Variants in BEST4 observed in about 807,000 individuals in gnomAD.
The protein encoded by BEST4 is bestrophin-4.
In BEST4, 36 loss-of-function variants were observed where a neutral mutation model predicts 47.1. That is an observed-to-expected ratio of 0.76 (90% confidence interval 0.59 to 1.01). BEST4 has a LOEUF of 1.01. BEST4 is among the 50% of genes least tolerant of loss of function. BEST4 has a pLI of 0.00. For synonymous variants in BEST4, 250 were observed against 277.8 expected (o/e 0.90, Z 1.00); for missense variants, 550 against 648.6 (o/e 0.85, Z 1.65).
chr1:44,785,525 C>T, intron 5 of BEST4, 74 bp downstream of exon 5: 1 of 1,411,152 alleles, frequency 7.1e-7, no homozygotes, highest in South Asian at 1.3e-5. Flanking sequence ...AGTACCATCG[C>T]TAATTCTTCT....
At chr1:44,790,036 CA>C (rs376587702), upstream of BEST4, among the ~76,000 whole-genome samples, 112 of 152,326 alleles carry the variant, frequency 7.4e-4, no homozygotes, top group African/African-American at 2.6e-3. Context: ...AAATCAGAAT[CA>C]AGAACGCCTA....
Position 44,785,124 on chromosome 1 carries a change from T to C in BEST4, c.896A>G (p.Tyr299Cys), listed in dbSNP as rs781319855. 2 of 1,613,782 alleles carry C rather than the reference T, an allele frequency of 1.2e-6. No homozygotes were observed. The highest frequency in any genetic ancestry group is 4.5e-5 in the East Asian group (2 of 44,882). Residue 299 changes from tyrosine to cysteine, a missense_variant, in exon 6 of 9, where the codon TAT (tyrosine) becomes TGT (cysteine). Around this residue, in one of 3 missense-constraint regions of BEST4, gnomAD observed 255 missense variants for 286.6 expected, o/e 0.89. Coordinates refer to ENST00000372207, the MANE Select transcript of BEST4 (RefSeq NM_153274.3). Reference protein sequence around the residue: ...PLTTLLQFFFYAGWLKVAEQI... With the variant: ...PLTTLLQFFFCAGWLKVAEQI... ...AGTGCCCACCTTGAGCCAGCCAGCA[T>C]AGAAGAAGAACTGCAGCAGAGTGGT...
At position 44,787,681 on chromosome 1, in the gene BEST4, C is replaced by G; in HGVS notation, c.25G>C (p.Val9Leu). The G allele has an allele frequency of 1.2e-6, 2 of 1,614,172 alleles. No individual in the cohort carries two copies. Among genetic ancestry groups the G allele is most frequent in the Non-Finnish European group, 1.7e-6 (2 of 1,180,036 alleles). The change falls in exon 1 of 9, where the codon GTG (valine) becomes CTG (leucine). Residue 9 changes from valine to leucine, a missense_variant. Val to Leu is a conservative substitution (Grantham distance 32, BLOSUM62 1). Around this residue, in one of 3 missense-constraint regions of BEST4, gnomAD observed 291 missense variants for 342.4 expected, o/e 0.85. Coordinates refer to ENST00000372207, the MANE Select transcript of BEST4 (RefSeq NM_153274.3). Reference protein sequence around the residue: MTVSYTLKVAEARFGGFSG... With the variant: MTVSYTLKLAEARFGGFSG... ...AAACCTCCGAAGCGGGCCTCCGCCA[C>G]TTTGAGAGTGTATGAAACCGTCATG...
At chr1:44,782,419 G>A (rs1346368318), downstream of BEST4, among the ~76,000 whole-genome samples, 1 of 151,980 alleles carries the variant, frequency 6.6e-6, no homozygotes, top group Non-Finnish European at 1.5e-5. Context: ...CCTGAGGTAA[G>A]GAGTTAAAGA....
Position 44,787,830 on chromosome 1 carries a change from AG to A in BEST4, c.-126del. 1 of 1,161,074 alleles carries A rather than the reference AG, an allele frequency of 8.6e-7. No homozygotes were observed. Among genetic ancestry groups the A allele is most frequent in the South Asian group, 1.5e-5 (1 of 68,684 alleles). The allele number at this position is 1,161,074 out of a possible 1,614,324, so 71.9% of individuals were successfully genotyped here. A position where few individuals can be genotyped will look rare whatever the true frequency, so the allele number is the denominator to read the frequency against. ...AGCCTTCACCCTGCGTCAGTGGACA[AG>A]GGGGTAGGAGCCTGCAGAGCAGAAA... On this transcript the variant is annotated 5_prime_UTR_variant, in exon 1 of 9. An upstream open reading frame in the 5' UTR loses its in-frame stop. Coordinates refer to ENST00000372207, the MANE Select transcript of BEST4 (RefSeq NM_153274.3).
rs752156512 is a variant in BEST4 at position 44,786,263 on chromosome 1, C to T, written c.482-35G>A. ...TAAAGCAGGTGGGGTGCAGTTGCAC[C>T]CTCTGCCGCCAGGGGAGGCTGCTGT... is the stretch of plus-strand genomic sequence containing the variant. On this transcript the variant is annotated intron_variant, in intron 3 of 8. Transcript: ENST00000372207. This position sits in a 1 kb window ranked among gnomAD's most constrained non-coding sequence, Gnocchi z 4.9. The T allele has an allele frequency of 6.4e-7, 1 of 1,571,012 alleles. No individual in the cohort carries two copies. Among genetic ancestry groups the T allele is most frequent in the Non-Finnish European group, 8.6e-7 (1 of 1,157,662 alleles).
upstream of BEST4, among the ~76,000 whole-genome samples, chr1:44,788,180 T>A (rs1054261432): frequency 6.6e-6 from 1 of 152,206 alleles, no homozygotes; most frequent in Non-Finnish European, 1.5e-5. Context: ...TGGGCTAGAC[T>A]TCAACCCCCA....
chr1:44,782,633 T>C (rs202045738), downstream of BEST4, among the ~76,000 whole-genome samples: 1 of 43,398 alleles, frequency 2.3e-5, no homozygotes, highest in Non-Finnish European at 4.0e-5. Context: ...CCGTCTCAAA[T>C]AAATAAATAA....
chr1:44,786,995 A>G lies in BEST4; in HGVS notation c.248-299T>C, dbSNP rs1490603873. Reference sequence around the variant, plus strand: ...GTGCCCAGGGTGGGCTTGTGAGGCCAGCAGGTGTCTTGTGCCTTGCTGGAA... The same window carrying G: ...GTGCCCAGGGTGGGCTTGTGAGGCCGGCAGGTGTCTTGTGCCTTGCTGGAA... On this transcript the variant is annotated intron_variant, in intron 2 of 8. Coordinates refer to ENST00000372207, the MANE Select transcript of BEST4 (RefSeq NM_153274.3). This position sits in a 1 kb window ranked among gnomAD's most constrained non-coding sequence, Gnocchi z 4.9. Among the ~76,000 whole-genome samples, 2 of 152,162 alleles carry G rather than the reference A, an allele frequency of 1.3e-5. No individual in the cohort carries two copies. The highest frequency in any genetic ancestry group is 1.3e-4 in the Admixed American group (2 of 15,278).
chr1:44,782,239 A>C (rs1365090281), downstream of BEST4, among the ~76,000 whole-genome samples: 1 of 152,086 alleles, frequency 6.6e-6, no homozygotes, highest in African/African-American at 2.4e-5. Context: ...GCTGCAGAAA[A>C]AAAAAAAAAA....
At position 44,784,502 on chromosome 1, in the gene BEST4, G is replaced by GCCCC; in HGVS notation, c.1149-20_1149-19insGGGG. 2.5e-6 allele frequency: 1 copy of GCCCC among 399,786 alleles called. No individual in the cohort carries two copies. The highest frequency in any genetic ancestry group is 4.8e-6 in the Non-Finnish European group (1 of 210,194). 24.8% of individuals were successfully genotyped at this position (399,786 alleles called of 1,614,324 possible). Reference sequence around the variant, plus strand: ...GCTCATGCTGCGGGCGGGAGGGCGGGCTGAGCCGGGGCACAGGGCGGGAGC... The same window carrying GCCCC: ...GCTCATGCTGCGGGCGGGAGGGCGGGCCCCCTGAGCCGGGGCACAGGGCGGGAGC... On this transcript the variant is annotated intron_variant, in intron 8 of 8. Coordinates refer to ENST00000372207, the MANE Select transcript of BEST4 (RefSeq NM_153274.3). This position sits in a 1 kb window ranked among gnomAD's most constrained non-coding sequence, Gnocchi z 6.2.
Position 44,784,567 on chromosome 1 carries a change from C to CGGT in BEST4, c.1148+59_1148+61dup, listed in dbSNP as rs1249886395. On this transcript the variant is annotated intron_variant, in intron 8 of 8. Coordinates refer to ENST00000372207, the MANE Select transcript of BEST4 (RefSeq NM_153274.3). The surrounding 1 kb of genome is among the most constrained non-coding windows in gnomAD (Gnocchi z 6.2). ...GGCTCTCGGGGAAGGACCGAGGCAT[C>CGGT]GGTGCCCCAGAGGCTGAGCGAGGAC... is the stretch of plus-strand genomic sequence containing the variant. 1.3e-6 allele frequency: 2 copies of CGGT among 1,553,704 alleles called. No individual in the cohort carries two copies. Among genetic ancestry groups the CGGT allele is most frequent in the Non-Finnish European group, 1.7e-6 (2 of 1,151,534 alleles).
chr1:44,789,242 C>CAAAAAAAAAAAAAA (rs778437528), upstream of BEST4, among the ~76,000 whole-genome samples: 2 of 61,434 alleles, frequency 3.3e-5, no homozygotes, highest in African/African-American at 8.4e-5. Context: ...CCTGGGTAAT[C>CAAAAAAAAAAAAAA]AAAAAAAAAA....
chr1:44,789,847 G>A (rs1457254398), upstream of BEST4, among the ~76,000 whole-genome samples: 1 of 152,138 alleles, frequency 6.6e-6, no homozygotes, highest in East Asian at 1.9e-4. Context: ...TCTTGTTTTG[G>A]GAAGCTCCTC....
downstream of BEST4, among the ~76,000 whole-genome samples, chr1:44,783,041 G>A (rs574906562): frequency 7.9e-5 from 12 of 151,494 alleles, no homozygotes; most frequent in East Asian, 9.7e-4. Context: ...TGCAACCTCC[G>A]CTTCCCAGAT....
At chr1:44,785,038 C>T (rs1651170168) in intron 6 of BEST4, 53 bp from the exon 7 acceptor site, 1 of 1,611,064 alleles carries the variant, frequency 6.2e-7, no homozygotes, top group African/African-American at 1.3e-5. Flanking sequence ...CTCTTTTTCC[C>T]CAAAGTCGGG....
chr1:44,785,410 G>A (rs1651182623), intron 5 of BEST4, 105 bp from the exon 6 acceptor site: 2 of 1,310,306 alleles, frequency 1.5e-6, no homozygotes, highest in African/African-American at 1.5e-5. Flanking sequence ...AATCAAACAT[G>A]TATCCTGGTG....
At chr1:44,789,644 G>C (rs1011403318), upstream of BEST4, among the ~76,000 whole-genome samples, 1 of 151,920 alleles carries the variant, frequency 6.6e-6, no homozygotes, top group African/African-American at 2.4e-5. Context: ...ATTGCGGTGA[G>C]CCGAGATCAT....
upstream of BEST4, among the ~76,000 whole-genome samples, chr1:44,789,340 C>T (rs1227904231): frequency 7.0e-6 from 1 of 142,788 alleles, no homozygotes; most frequent in Non-Finnish European, 1.5e-5. Context: ...GGAGAGGTTG[C>T]AGTGAGCTGA....
Sources: allele counts gnomAD v4.1 joint callset (sites outside exome capture counted in the v4.1 genomes callset), GRCh38; gene constraint gnomAD v4.1.1; regional missense constraint gnomAD v4.1.1; non-coding constraint Gnocchi (gnomAD v3.1); transcripts MANE v1.5; gene names NCBI Gene and HGNC (gene_info 2026-07-23, HGNC 2026-07-21).